The following POFUT3 variants were observed in gnomAD, a reference collection of about 807,000 sequenced individuals.
POFUT3 encodes the protein GDP-fucose protein O-fucosyltransferase 3.
At chr8:33,445,120 G>C in the POFUT3 span, among the ~76,000 whole-genome samples, 1 of 151,828 alleles carries the variant, frequency 6.6e-6, no homozygotes, top group Non-Finnish European at 1.5e-5. Context: ...TTTCTGTAGA[G>C]CCCGGGTTTT....
the POFUT3 span, among the ~76,000 whole-genome samples, chr8:33,428,080 C>T: frequency 6.6e-6 from 1 of 152,070 alleles, no homozygotes. Context: ...GCCAAGATCG[C>T]AACAGTGCAC....
chr8:33,415,145 C>T, the POFUT3 span, among the ~76,000 whole-genome samples: 7 of 151,858 alleles, frequency 4.6e-5, no homozygotes, highest in Non-Finnish European at 1.0e-4. Flanking sequence ...GCCTGTAGGC[C>T]CAGTTACTCA....
At chr8:33,446,924 T>C in the POFUT3 span, among the ~76,000 whole-genome samples, 1 of 152,120 alleles carries the variant, frequency 6.6e-6, no homozygotes, top group Middle Eastern at 3.2e-3. Flanking sequence ...TGGGTGTGCC[T>C]CTCTTTTTAA....
At chr8:33,436,793 A>C in the POFUT3 span, 1 of 489,364 alleles carries the variant, frequency 2.0e-6, no homozygotes, top group Non-Finnish European at 3.7e-6. Flanking sequence ...AATTTTTTTC[A>C]ACTTTTATTT....
chr8:33,434,866 G>A, the POFUT3 span, among the ~76,000 whole-genome samples: 2 of 152,166 alleles, frequency 1.3e-5, no homozygotes, highest in Admixed American at 6.5e-5. Context: ...GGTCTTCCCT[G>A]CCACTGCCAC....
chr8:33,375,784 A>G, the POFUT3 span, among the ~76,000 whole-genome samples: 1 of 152,182 alleles, frequency 6.6e-6, no homozygotes, highest in Non-Finnish European at 1.5e-5. Flanking sequence ...TCGGAGGCCA[A>G]GGCAGGTGGA....
At chr8:33,308,326 A>T in the POFUT3 span, among the ~76,000 whole-genome samples, 1 of 152,216 alleles carries the variant, frequency 6.6e-6, no homozygotes, top group African/African-American at 2.4e-5. Flanking sequence ...GAAGGCAGCA[A>T]AGAGAGCATT....
chr8:33,452,234 A>T, the POFUT3 span: 1 of 152,142 alleles, frequency 6.6e-6, no homozygotes, highest in African/African-American at 2.4e-5. Context: ...TAACAATAAC[A>T]TAAACAATGT....
the POFUT3 span, among the ~76,000 whole-genome samples, chr8:33,338,232 C>A: frequency 6.6e-6 from 1 of 152,110 alleles, no homozygotes; most frequent in South Asian, 2.1e-4. Flanking sequence ...GCCATAACAA[C>A]CTATAACTAG....
At chr8:33,439,799 G>A in the POFUT3 span, among the ~76,000 whole-genome samples, 1 of 151,504 alleles carries the variant, frequency 6.6e-6, no homozygotes, top group African/African-American at 2.4e-5. Context: ...CTCAGAGGGC[G>A]GAGGTTGCAG....
chr8:33,426,330 T>C, the POFUT3 span, among the ~76,000 whole-genome samples: 42 of 152,188 alleles, frequency 2.8e-4, no homozygotes, highest in African/African-American at 9.9e-4. Flanking sequence ...ATGAGGACTG[T>C]CCCAGCTTCA....
chr8:33,370,676 T>G, the POFUT3 span: 1 of 152,210 alleles, frequency 6.6e-6, no homozygotes, highest in Non-Finnish European at 1.5e-5. Context: ...AGTTAAGGTT[T>G]AAGACATACA....
the POFUT3 span, among the ~76,000 whole-genome samples, chr8:33,450,271 A>T: frequency 2.6e-5 from 4 of 152,102 alleles, no homozygotes; most frequent in Non-Finnish European, 4.4e-5. Context: ...TTCCAATAGT[A>T]GGTGCTCTCT....
the POFUT3 span, among the ~76,000 whole-genome samples, chr8:33,412,510 G>GTGTCTGAGTAGATCCA: frequency 3.3e-5 from 5 of 152,202 alleles, no homozygotes; most frequent in Non-Finnish European, 7.3e-5. Flanking sequence ...TTTTTGCCCT[G>GTGTCTGAGTAGATCCA]TGTCTGAGTA....
chr8:33,419,290 C>A, the POFUT3 span, among the ~76,000 whole-genome samples: 1 of 152,170 alleles, frequency 6.6e-6, no homozygotes, highest in Non-Finnish European at 1.5e-5. Context: ...AGTCTCCAAC[C>A]CTTTTGGCAC....
the POFUT3 span, among the ~76,000 whole-genome samples, chr8:33,342,596 A>T: frequency 6.6e-6 from 1 of 152,230 alleles, no homozygotes; most frequent in African/African-American, 2.4e-5. Flanking sequence ...AATGTGAATT[A>T]AAACCACAAT....
chr8:33,348,601 A>C, the POFUT3 span, among the ~76,000 whole-genome samples: 1 of 152,240 alleles, frequency 6.6e-6, no homozygotes, highest in Non-Finnish European at 1.5e-5. Context: ...ACAAATATGT[A>C]ATGAAAGAAG....
chr8:33,311,277 TA>T, the POFUT3 span, among the ~76,000 whole-genome samples: 1 of 152,234 alleles, frequency 6.6e-6, no homozygotes, highest in Non-Finnish European at 1.5e-5. Context: ...TGATGGGCTT[TA>T]AAAATCAGTA....
At chr8:33,451,407 T>C in the POFUT3 span, among the ~76,000 whole-genome samples, 1 of 152,124 alleles carries the variant, frequency 6.6e-6, no homozygotes, top group East Asian at 1.9e-4. Context: ...TATACATGTG[T>C]ACATGTATAC....
Sources: allele counts gnomAD v4.1 joint callset (sites outside exome capture counted in the v4.1 genomes callset), GRCh38; gene constraint gnomAD v4.1.1; transcripts MANE v1.5; gene names NCBI Gene and HGNC (gene_info 2026-07-23, HGNC 2026-07-21).